ELAPOR1: variants seen among roughly 807,000 people sequenced by gnomAD.
ELAPOR1 encodes endosome-lysosome associated apoptosis and autophagy regulator 1.
Under a neutral mutation model 119.7 loss-of-function variants are expected in ELAPOR1, and 77 were observed. That is an observed-to-expected ratio of 0.64 (90% CI 0.54 to 0.78). The LOEUF is 0.78. Among genes scored for constraint, ELAPOR1 ranks in the 30% least tolerant of loss-of-function variants. ELAPOR1 has a pLI of 0.00. For synonymous variants in ELAPOR1, 481 were observed against 487.2 expected (o/e 0.99, Z 0.17); for missense variants, 1,115 against 1,270.4 (o/e 0.88, Z 1.86).
chr1:109,190,801 G>A (rs954838214), intron 11 of ELAPOR1, among the ~76,000 whole-genome samples: 3 of 152,166 alleles, frequency 2.0e-5, no homozygotes, highest in Non-Finnish European at 2.9e-5. Flanking sequence ...AGGACCAAAC[G>A]GAGGACTTTG....
intron 7 of ELAPOR1, among the ~76,000 whole-genome samples, chr1:109,175,496 C>G (rs1330935333): frequency 6.6e-6 from 1 of 150,866 alleles, no homozygotes; most frequent in Non-Finnish European, 1.5e-5. Context: ...CCACCACACC[C>G]AGTCAGTGGT....
chr1:109,151,988 C>T (rs1016218082), intron 1 of ELAPOR1, among the ~76,000 whole-genome samples: 2 of 151,990 alleles, frequency 1.3e-5, no homozygotes, highest in African/African-American at 4.8e-5. Context: ...ATCCTTCCAC[C>T]TCAGCCTCTC....
Position 109,173,672 on chromosome 1 carries a change from T to A in ELAPOR1, c.803-16T>A. The A allele has an allele frequency of 6.2e-7, 1 of 1,613,680 alleles. No individual in the cohort carries two copies. Among genetic ancestry groups the A allele is most frequent in the Non-Finnish European group, 8.5e-7 (1 of 1,179,764 alleles). On this transcript the variant is annotated splice_polypyrimidine_tract_variant and intron_variant, in intron 6 of 21. Transcript: ENST00000369939. The stretch of plus-strand genomic sequence containing the variant: ...AGGCTGAATCCTTGCTTTTCTGTGC[T>A]CTTCCTCCTCCCTAGGGGTGGCCTA...
intron 21 of ELAPOR1, 98 bp downstream of exon 21, chr1:109,200,998 A>G (rs552308304): frequency 6.6e-5 from 79 of 1,188,786 alleles, no homozygotes; most frequent in Admixed American, 2.8e-4. Context: ...AGGGATGGGC[A>G]CCCTGCTCCC....
In ELAPOR1 at chr1:109,205,214, C is replaced by T. The variant is rs1316985182; in HGVS notation, c.*2202C>T. 6.6e-6 allele frequency: 1 copy of T among 152,234 alleles called. No homozygotes were observed. The highest frequency in any genetic ancestry group is 1.9e-4 in the East Asian group (1 of 5,200). The allele number at this position is 152,234 out of a possible 1,614,324, so 9.4% of individuals were successfully genotyped here. ...CACTATCAGGCTAGGGTGACCTTCC[C>T]TTGGTCAAGCCCCAATTGCCCATGA... On this transcript the variant is annotated 3_prime_UTR_variant, in exon 22 of 22. Transcript: ENST00000369939.
intron 1 of ELAPOR1, among the ~76,000 whole-genome samples, chr1:109,125,679 C>T (rs898759554): frequency 5.9e-5 from 9 of 151,718 alleles, no homozygotes; most frequent in South Asian, 2.1e-4. Flanking sequence ...CCACCACGCC[C>T]GGCCAAGCAG....
chr1:109,116,677 G>A (rs1395593360), intron 1 of ELAPOR1, among the ~76,000 whole-genome samples: 2 of 111,476 alleles, frequency 1.8e-5, no homozygotes, highest in African/African-American at 7.2e-5. Flanking sequence ...GCTCTTCTCT[G>A]TTCTTTTTTT....
chr1:109,189,096 C>G lies in ELAPOR1; in HGVS notation c.1250C>G (p.Pro417Arg), dbSNP rs895423902. 19 of 1,613,918 alleles carry G rather than the reference C, an allele frequency of 1.2e-5. No homozygotes were observed. Among genetic ancestry groups the G allele is most frequent in the African/African-American group, 2.7e-5 (2 of 74,926 alleles). ...ACCCGCTGCCCTGCAGGGACTGAACCTGCTGTGGGATTTGAATACAAATGG... is the reference window on the plus strand; with the variant it reads ...ACCCGCTGCCCTGCAGGGACTGAACGTGCTGTGGGATTTGAATACAAATGG... ...DCTRCPAGTE[P>R]AVGFEYKWWN... The change falls in exon 10 of 22, where the codon CCT becomes CGT. Residue 417 changes from proline to arginine, a missense_variant. Pro to Arg is a moderately radical substitution (Grantham distance 103, BLOSUM62 -2). Transcript: ENST00000369939.
At chr1:109,198,436 A>C (rs1251892127) in intron 17 of ELAPOR1, 137 bp from the exon 18 acceptor site, 10 of 703,010 alleles carry the variant, frequency 1.4e-5, no homozygotes, top group African/African-American at 5.4e-5. Flanking sequence ...AGGCCTGTGC[A>C]CTCCCTGTGT....
intron 1 of ELAPOR1, among the ~76,000 whole-genome samples, chr1:109,124,037 A>G (rs972063613): frequency 6.6e-6 from 1 of 152,118 alleles, no homozygotes; most frequent in African/African-American, 2.4e-5. Flanking sequence ...TCCTGACCTC[A>G]GGTGATCTAC....
At chr1:109,127,403 A>G (rs1648853123) in intron 1 of ELAPOR1, among the ~76,000 whole-genome samples, 1 of 151,586 alleles carries the variant, frequency 6.6e-6, no homozygotes, top group African/African-American at 2.4e-5. Context: ...TTTAGTAGAG[A>G]TGGGGTTTCA....
chr1:109,198,546 C>T, intron 17 of ELAPOR1, 27 bp from the exon 18 acceptor site: 2 of 1,585,718 alleles, frequency 1.3e-6, no homozygotes, highest in Non-Finnish European at 1.7e-6. Context: ...TGACTCATTC[C>T]CTCATGGGGG....
chr1:109,177,106 C>T (rs1218261494), intron 7 of ELAPOR1, among the ~76,000 whole-genome samples: 1 of 148,150 alleles, frequency 6.7e-6, no homozygotes, highest in African/African-American at 2.6e-5. Context: ...GGCCCGTTCT[C>T]AATGAGCTGT....
Position 109,173,493 on chromosome 1 carries a change from A to T in ELAPOR1, c.716A>T (p.Asn239Ile). The T allele has an allele frequency of 6.2e-7, 1 of 1,614,170 alleles. No individual in the cohort carries two copies. Among genetic ancestry groups the T allele is most frequent in the Non-Finnish European group, 8.5e-7 (1 of 1,180,018 alleles). Residue 239 changes from asparagine to isoleucine, a missense_variant, in exon 6 of 22, where the codon AAT becomes ATT. By Grantham distance (149) the Asn-to-Ile change is moderately radical (BLOSUM62 -3). Transcript: ENST00000369939. ...EFHSVELNRGNNVLYWRTTAF... is the reference protein window; with the variant it reads ...EFHSVELNRGINVLYWRTTAF... Reference sequence around the variant, plus strand: ...TTTTAGGTGGAGCTAAATCGAGGCAATAATGTCCTCTATTGGAGAACCACA... The same window carrying T: ...TTTTAGGTGGAGCTAAATCGAGGCATTAATGTCCTCTATTGGAGAACCACA...
intron 1 of ELAPOR1, among the ~76,000 whole-genome samples, chr1:109,152,976 A>G (rs1319980495): frequency 6.6e-6 from 1 of 150,912 alleles, no homozygotes; most frequent in African/African-American, 2.4e-5. Context: ...AAAAGAAAGA[A>G]AAAAAGGACC....
At chr1:109,139,781 C>G (rs1004933176) in intron 1 of ELAPOR1, among the ~76,000 whole-genome samples, 5 of 151,216 alleles carry the variant, frequency 3.3e-5, no homozygotes, top group African/African-American at 1.2e-4. Context: ...ATTTTTTTTC[C>G]TTTTTTTTGA....
At chr1:109,134,709 T>C (rs1171578909) in intron 1 of ELAPOR1, among the ~76,000 whole-genome samples, 1 of 152,094 alleles carries the variant, frequency 6.6e-6, no homozygotes, top group Non-Finnish European at 1.5e-5. Flanking sequence ...CCTTCGTCAT[T>C]ACAACTTTGA....
intron 21 of ELAPOR1, among the ~76,000 whole-genome samples, chr1:109,202,358 G>A (rs1373088081): frequency 1.3e-5 from 2 of 151,948 alleles, no homozygotes; most frequent in South Asian, 2.1e-4. Context: ...GACCTCAGGT[G>A]ATCTGCCTGC....
chr1:109,155,262 G>A (rs1650806636), intron 1 of ELAPOR1, among the ~76,000 whole-genome samples: 1 of 152,010 alleles, frequency 6.6e-6, no homozygotes, highest in African/African-American at 2.4e-5. Flanking sequence ...TGCAAGCTCC[G>A]CCTCCCGGGT....
Sources: allele counts gnomAD v4.1 joint callset (sites outside exome capture counted in the v4.1 genomes callset), GRCh38; gene constraint gnomAD v4.1.1; transcripts MANE v1.5; gene names NCBI Gene and HGNC (gene_info 2026-07-23, HGNC 2026-07-21).